The following WRNIP1 variants were observed in gnomAD, a reference collection of about 807,000 sequenced individuals.
WRNIP1 encodes WRN helicase interacting protein 1.
In WRNIP1, 41 loss-of-function variants were observed where a neutral mutation model predicts 56.1. That is an observed-to-expected ratio of 0.73 (90% CI 0.57 to 0.95). WRNIP1 has a LOEUF of 0.95. Among genes scored for constraint, WRNIP1 ranks in the 40% least tolerant of loss-of-function variants. The pLI, the probability that WRNIP1 is intolerant of heterozygous loss-of-function variation, is 0.00. For missense variants in WRNIP1, 1,170 were observed against 939.4 expected, an observed-to-expected ratio of 1.25 and a Z score of -3.21; for synonymous variants, 547 against 398.1, an observed-to-expected ratio of 1.37 and a Z score of -4.45.
chr6:2,780,427 G>A (rs889240566), intron 4 of WRNIP1, among the ~76,000 whole-genome samples: 6 of 152,176 alleles, frequency 3.9e-5, no homozygotes, highest in Non-Finnish European at 8.8e-5. Context: ...TGACCTAGGG[G>A]GGCTGACCAA....
intron 4 of WRNIP1, among the ~76,000 whole-genome samples, chr6:2,780,468 T>C (rs1231760635): frequency 6.6e-6 from 1 of 152,164 alleles, no homozygotes; most frequent in Non-Finnish European, 1.5e-5. Flanking sequence ...CCTCAGCTGA[T>C]GGTAGCTCAG....
At chr6:2,772,826 A>G (rs974434043) in intron 3 of WRNIP1, among the ~76,000 whole-genome samples, 2 of 152,208 alleles carry the variant, frequency 1.3e-5, no homozygotes, top group Non-Finnish European at 2.9e-5. Context: ...TTGCTTTCCA[A>G]TCCCTGTTGA....
chr6:2,783,408 G>GT lies in WRNIP1; in HGVS notation c.1489_1490insT (p.Glu497ValfsTer76). ...AGTGGTGCTCTTTGTGATGTCAGGTGAGGAGCATTACAACTGCATCTCCGC... is the reference window on the plus strand; with the variant it reads ...AGTGGTGCTCTTTGTGATGTCAGGTGTAGGAGCATTACAACTGCATCTCCGC... On this transcript the variant is annotated frameshift_variant, in exon 5 of 7. Transcript: ENST00000380773. LOFTEE classifies it high-confidence loss of function. The GT allele has an allele frequency of 1.3e-6, 2 of 1,592,798 alleles. No individual in the cohort carries two copies. Among genetic ancestry groups the GT allele is most frequent in the South Asian group, 1.1e-5 (1 of 89,084 alleles).
chr6:2,768,453 G>A (rs1303697637), intron 1 of WRNIP1, among the ~76,000 whole-genome samples: 2 of 152,228 alleles, frequency 1.3e-5, no homozygotes, highest in African/African-American at 2.4e-5. Flanking sequence ...AGGGACAGAG[G>A]AGAAAAGGTC....
In WRNIP1 at chr6:2,770,337, G is replaced by T; in HGVS notation, c.1232G>T (p.Ser411Ile). ...TCTAGCCGTCCCACTGACCCTCTGA[G>T]CCACAGCAGCAACAGCAGCTCAGAG... ...LDSSRPTDPL[S>I]HSSNSSSEPA... is the part of the protein sequence containing the mutation. The change falls in exon 3 of 7, where the codon AGC (serine) becomes ATC (isoleucine). Residue 411 changes from serine to isoleucine, a missense_variant. By Grantham distance (142) the Ser-to-Ile change is moderately radical. Transcript: ENST00000380773. The T allele has an allele frequency of 6.2e-7, 1 of 1,614,164 alleles. No homozygotes were observed. The highest frequency in any genetic ancestry group is 1.3e-5 in the African/African-American group (1 of 75,052).
At chr6:2,774,224 C>T in intron 3 of WRNIP1, 2 of 985,328 alleles carry the variant, frequency 2.0e-6, no homozygotes, top group Non-Finnish European at 2.4e-6. Context: ...AAAATAATGC[C>T]ATAAAAGCAC....
At chr6:2,773,364 C>T (rs1187994638) in intron 3 of WRNIP1, 2 of 985,254 alleles carry the variant, frequency 2.0e-6, no homozygotes, top group Non-Finnish European at 2.4e-6. Flanking sequence ...GTGCAGTGGG[C>T]GTAGAGAAGC....
At chr6:2,768,616 G>C in intron 1 of WRNIP1, 75 bp from the exon 2 acceptor site, 1 of 1,308,902 alleles carries the variant, frequency 7.6e-7, no homozygotes, top group Non-Finnish European at 1.0e-6. Context: ...GATGCTGCGT[G>C]TGGTGGTTCC....
At chr6:2,781,510 G>A (rs2113481029) in intron 4 of WRNIP1, among the ~76,000 whole-genome samples, 1 of 152,226 alleles carries the variant, frequency 6.6e-6, no homozygotes, top group Admixed American at 6.5e-5. Context: ...ATACTCTTGG[G>A]CCTTTTTATA....
Position 2,770,325 on chromosome 6 carries a change from C to T in WRNIP1, c.1220C>T (p.Thr407Ile). 6.2e-7 allele frequency: 1 copy of T among 1,614,194 alleles called. No individual in the cohort carries two copies. Among genetic ancestry groups the T allele is most frequent in the Non-Finnish European group, 8.5e-7 (1 of 1,180,028 alleles). ...GIHVLDSSRP[T>I]DPLSHSSNSS... ...CACGTCCTAGACTCTAGCCGTCCCA[C>T]TGACCCTCTGAGCCACAGCAGCAAC... The change falls in exon 3 of 7, where the codon ACT becomes ATT. Residue 407 changes from threonine to isoleucine, a missense_variant. Thr to Ile is a moderately conservative substitution (Grantham distance 89, BLOSUM62 -1). Coordinates refer to ENST00000380773, the MANE Select transcript of WRNIP1 (RefSeq NM_020135.3).
chr6:2,784,482 T>C, intron 6 of WRNIP1, 79 bp downstream of exon 6: 1 of 1,444,240 alleles, frequency 6.9e-7, no homozygotes. Flanking sequence ...TGAATAAATG[T>C]CCCTCCTTCA....
At chr6:2,776,929 T>A (rs1765446418) in intron 3 of WRNIP1, among the ~76,000 whole-genome samples, 1 of 152,228 alleles carries the variant, frequency 6.6e-6, no homozygotes, top group Non-Finnish European at 1.5e-5. Flanking sequence ...TAAATTTTTT[T>A]AAAGTAAATG....
intron 1 of WRNIP1, among the ~76,000 whole-genome samples, chr6:2,767,340 A>G (rs1765062782): frequency 6.6e-6 from 1 of 152,266 alleles, no homozygotes; most frequent in African/African-American, 2.4e-5. Flanking sequence ...GAAAGGGAGA[A>G]TTCAGGGATC....
Position 2,766,348 on chromosome 6 carries a change from G to A in WRNIP1, c.726G>A (p.Gln242=). The A allele has an allele frequency of 6.2e-7, 1 of 1,610,640 alleles. No individual in the cohort carries two copies. The highest frequency in any genetic ancestry group is 8.5e-7 in the Non-Finnish European group (1 of 1,178,944). Residue 242 remains glutamine (Q), a synonymous_variant, in exon 1 of 7, where the codon CAG becomes CAA. Transcript: ENST00000380773. ...ACACGCTGCAGGATTACTTCGGGCAGAGCAAGGCCGTGGGCCAGGATACCC... is the reference window on the plus strand; with the variant it reads ...ACACGCTGCAGGATTACTTCGGGCAAAGCAAGGCCGTGGGCCAGGATACCC... ...RPDTLQDYFG[Q]SKAVGQDTLL...
chr6:2,768,770 A>G lies in WRNIP1; in HGVS notation c.902A>G (p.Lys301Arg). The stretch of plus-strand genomic sequence containing the variant: ...GTGACATTATCTGCAACAAATGCCA[A>G]GACAAATGATGTGCGAGATGTCATA... ...RFVTLSATNA[K>R]TNDVRDVIKQ... Residue 301 changes from lysine (K) to arginine (R), a missense_variant, in exon 2 of 7, where the codon AAG becomes AGG. By Grantham distance (26) the Lys-to-Arg change is conservative (BLOSUM62 2). Transcript: ENST00000380773. The G allele has an allele frequency of 1.2e-5, 19 of 1,614,058 alleles. No homozygotes were observed. The highest frequency in any genetic ancestry group is 1.5e-5 in the Non-Finnish European group (18 of 1,179,964).
chr6:2,785,480 C>T lies in WRNIP1; in HGVS notation c.*198C>T, dbSNP rs575623429. 46 of 602,894 alleles carry T rather than the reference C, an allele frequency of 7.6e-5. No homozygotes were observed. Among genetic ancestry groups the T allele is most frequent in the African/African-American group, 5.7e-4 (31 of 54,062 alleles). 37.3% of individuals were successfully genotyped at this position (602,894 alleles called of 1,614,324 possible). A position where few individuals can be genotyped will look rare whatever the true frequency, so the allele number is the denominator to read the frequency against. Reference sequence around the variant, plus strand: ...CTTTGAAATTGTGTTCATTTGCACTCGGTGCAGCGGTTATGCTTATGAAAA... The same window carrying T: ...CTTTGAAATTGTGTTCATTTGCACTTGGTGCAGCGGTTATGCTTATGAAAA... On this transcript the variant is annotated 3_prime_UTR_variant, in exon 7 of 7. Transcript: ENST00000380773.
At chr6:2,769,983 G>A in intron 2 of WRNIP1, 137 bp from the exon 3 acceptor site, 1 of 1,261,564 alleles carries the variant, frequency 7.9e-7, no homozygotes, top group Admixed American at 2.2e-5. Flanking sequence ...TATATTCAGT[G>A]AATATAAGGC....
intron 3 of WRNIP1, among the ~76,000 whole-genome samples, chr6:2,776,948 T>C (rs1364664703): frequency 6.6e-6 from 1 of 152,222 alleles, no homozygotes; most frequent in Non-Finnish European, 1.5e-5. Context: ...TGTTGACAGG[T>C]CTGAGTAGCT....
At chr6:2,768,947 C>T (rs974779028) in intron 2 of WRNIP1, 65 bp downstream of exon 2, 18 of 1,484,008 alleles carry the variant, frequency 1.2e-5, no homozygotes, top group Non-Finnish European at 1.6e-5. Context: ...TGTGTGAGAT[C>T]ACTATACAAA....
Sources: gnomAD v4.1 joint callset for allele counts (sites outside exome capture counted in the v4.1 genomes callset) on GRCh38, gnomAD v4.1.1 for gene constraint, MANE v1.5 for transcripts, NCBI Gene and HGNC (gene_info 2026-07-23, HGNC 2026-07-21) for gene names.